Variants in CHCHD6 observed in about 807,000 individuals in gnomAD.
CHCHD6 encodes coiled-coil-helix-coiled-coil-helix domain containing 6.
Under a neutral mutation model 32.3 loss-of-function variants are expected in CHCHD6, and 28 were observed. The observed-to-expected ratio is 0.87, with a 90% confidence interval of 0.64 to 1.19. The LOEUF (loss-of-function observed/expected upper bound fraction) is 1.19, where lower values mean the gene tolerates loss of function less well. Among genes scored for constraint, CHCHD6 ranks in the 50% most tolerant of loss-of-function variants. The pLI is 0.00. For synonymous variants in CHCHD6, 122 were observed against 117.5 expected, an observed-to-expected ratio of 1.04 and a Z score of -0.25; for missense variants, 333 against 307.0, an observed-to-expected ratio of 1.08 and a Z score of -0.63.
intron 4 of CHCHD6, among the ~76,000 whole-genome samples, chr3:126,807,758 T>C (rs1939465956): frequency 6.6e-6 from 1 of 152,212 alleles, no homozygotes; most frequent in Admixed American, 6.5e-5. Context: ...CCTTGAAGTT[T>C]CCAGAGGGAT....
intron 5 of CHCHD6, among the ~76,000 whole-genome samples, chr3:126,866,315 C>A (rs1265283412): frequency 6.6e-6 from 1 of 152,156 alleles, no homozygotes; most frequent in East Asian, 1.9e-4. Context: ...GCACTGACTC[C>A]TTTGACCTTC....
chr3:126,773,381 C>T (rs1010081907), intron 4 of CHCHD6, among the ~76,000 whole-genome samples: 1 of 152,126 alleles, frequency 6.6e-6, no homozygotes. Flanking sequence ...CGAGTAATAC[C>T]TGCCGTGCTC....
chr3:126,837,166 A>T (rs1940894150), intron 4 of CHCHD6, among the ~76,000 whole-genome samples: 1 of 152,186 alleles, frequency 6.6e-6, no homozygotes, highest in African/African-American at 2.4e-5. Context: ...AGATCTTATT[A>T]CACCAGGAGA....
chr3:126,858,927 G>A (rs1200713494), intron 5 of CHCHD6, among the ~76,000 whole-genome samples: 3 of 152,210 alleles, frequency 2.0e-5, no homozygotes, highest in Non-Finnish European at 4.4e-5. Flanking sequence ...CCGCAGAATC[G>A]CCTGCTGCTC....
At chr3:126,825,151 AT>A (rs367987862) in intron 4 of CHCHD6, among the ~76,000 whole-genome samples, 4 of 150,646 alleles carry the variant, frequency 2.7e-5, no homozygotes, top group Non-Finnish European at 4.4e-5. Context: ...ATCTATTTTG[AT>A]TTTTTTTTGA....
intron 5 of CHCHD6, among the ~76,000 whole-genome samples, chr3:126,903,005 G>A (rs991591980): frequency 5.3e-5 from 8 of 152,094 alleles, no homozygotes; most frequent in Non-Finnish European, 7.4e-5. Flanking sequence ...AGTTCCCTGC[G>A]AAGGGAGGTC....
intron 5 of CHCHD6, among the ~76,000 whole-genome samples, chr3:126,885,328 AC>A (rs1439588391): frequency 1.3e-5 from 2 of 152,132 alleles, no homozygotes; most frequent in Admixed American, 6.6e-5. Flanking sequence ...GATATGGAGA[AC>A]ACGATTATTT....
At chr3:126,909,892 G>T (rs574675969) in intron 5 of CHCHD6, among the ~76,000 whole-genome samples, 13 of 152,362 alleles carry the variant, frequency 8.5e-5, no homozygotes, top group African/African-American at 2.9e-4. Flanking sequence ...CAGGCTCTGT[G>T]CTGCAGGGTT....
intron 6 of CHCHD6, among the ~76,000 whole-genome samples, chr3:126,927,968 C>T (rs1300038859): frequency 6.6e-6 from 1 of 152,254 alleles, no homozygotes; most frequent in Non-Finnish European, 1.5e-5. Context: ...AGCTGACGCA[C>T]CCCTGCAAGA....
intron 4 of CHCHD6, among the ~76,000 whole-genome samples, chr3:126,760,700 G>C (rs1002637191): frequency 6.6e-5 from 10 of 152,242 alleles, no homozygotes; most frequent in African/African-American, 2.4e-4. Flanking sequence ...CTAAACAATA[G>C]TCCATTGTAT....
At chr3:126,827,048 ATGGT>A (rs1940425643) in intron 4 of CHCHD6, among the ~76,000 whole-genome samples, 1 of 152,182 alleles carries the variant, frequency 6.6e-6, no homozygotes, top group Non-Finnish European at 1.5e-5. Flanking sequence ...GGAGGAAGCT[ATGGT>A]GTGCCAGGAG....
rs572041899 is a variant in CHCHD6 at position 126,867,441 on chromosome 3, G to A, written c.495+14711G>A. Among the ~76,000 whole-genome samples the A allele has an allele frequency of 1.0e-3, 156 of 152,284 alleles. 2 individuals carry two copies. Among genetic ancestry groups the A allele is most frequent in the African/African-American group, 3.6e-3 (149 of 41,558 alleles). ...TTAAGCCAGCTAAATAGGTACTTACGGGTTGAAGAGCCAGAAGTGCCTGTC... is the reference window on the plus strand; with the variant it reads ...TTAAGCCAGCTAAATAGGTACTTACAGGTTGAAGAGCCAGAAGTGCCTGTC... On this transcript the variant is annotated intron_variant, in intron 5 of 7. Coordinates refer to ENST00000290913, the MANE Select transcript of CHCHD6 (RefSeq NM_032343.3).
intron 6 of CHCHD6, among the ~76,000 whole-genome samples, chr3:126,953,424 C>T (rs767138773): frequency 4.6e-5 from 7 of 152,178 alleles, no homozygotes; most frequent in Non-Finnish European, 1.0e-4. Flanking sequence ...CCAAGCCCTA[C>T]GTTGGCAGTT....
At chr3:126,844,137 T>G (rs1312418611) in intron 4 of CHCHD6, among the ~76,000 whole-genome samples, 3 of 152,356 alleles carry the variant, frequency 2.0e-5, no homozygotes, top group Non-Finnish European at 4.4e-5. Flanking sequence ...GCTCAAGATG[T>G]GGTCCATTTC....
chr3:126,730,615 A>G lies in CHCHD6; in HGVS notation c.251A>G (p.Lys84Arg). The change falls in exon 3 of 8, where the codon AAG becomes AGG. Residue 84 changes from lysine (K) to arginine (R), a missense_variant. Physicochemically the swap from Lys to Arg is conservative, Grantham distance 26. Transcript: ENST00000290913. ...GGTGGCCAGCAGCCCTCAGGGATGAAGGAGGGTGTCAAGAGGTGAGCCCGA... is the reference window on the plus strand; with the variant it reads ...GGTGGCCAGCAGCCCTCAGGGATGAGGGAGGGTGTCAAGAGGTGAGCCCGA... ...SSGGQQPSGM[K>R]EGVKRYEQEH... is the part of the protein sequence containing the mutation. 6.2e-7 allele frequency: 1 copy of G among 1,613,762 alleles called. No homozygotes were observed. The highest frequency in any genetic ancestry group is 8.5e-7 in the Non-Finnish European group (1 of 1,179,814).
intron 4 of CHCHD6, among the ~76,000 whole-genome samples, chr3:126,835,902 T>C (rs775935900): frequency 6.6e-6 from 1 of 152,178 alleles, no homozygotes; most frequent in Non-Finnish European, 1.5e-5. Context: ...TCGCATATTA[T>C]TTCTTCTGTA....
intron 5 of CHCHD6, among the ~76,000 whole-genome samples, chr3:126,898,595 A>G (rs778537733): frequency 1.3e-5 from 2 of 152,082 alleles, no homozygotes; most frequent in East Asian, 1.9e-4. Flanking sequence ...CTGGAGTGCA[A>G]TGGTGCGATC....
In CHCHD6 at chr3:126,704,277, C is replaced by G. The variant is rs1470772721; in HGVS notation, c.-36C>G. On this transcript the variant is annotated 5_prime_UTR_variant, in exon 1 of 8. Transcript: ENST00000290913. ...GCCCGGTTGCTCTGGAGCCGGGTCT[C>G]GGGTCTGGTGGCTGCCGGCCCTGCG... 1.9e-6 allele frequency: 3 copies of G among 1,566,182 alleles called. No homozygotes were observed. The highest frequency in any genetic ancestry group is 2.6e-6 in the Non-Finnish European group (3 of 1,146,872).
At chr3:126,894,444 G>C (rs1268556500) in intron 5 of CHCHD6, among the ~76,000 whole-genome samples, 2 of 152,252 alleles carry the variant, frequency 1.3e-5, no homozygotes, top group African/African-American at 4.8e-5. Context: ...TAGGGAGAAA[G>C]GGGCAGGGAA....
Sources: gnomAD v4.1 joint callset for allele counts (sites outside exome capture counted in the v4.1 genomes callset) on GRCh38, gnomAD v4.1.1 for gene constraint, MANE v1.5 for transcripts, NCBI Gene and HGNC (gene_info 2026-07-23, HGNC 2026-07-21) for gene names.